The following BCO1 variants were observed in gnomAD, a reference collection of about 807,000 sequenced individuals.
The protein encoded by BCO1 is beta-carotene oxygenase 1, also known as beta,beta-carotene 15,15'-dioxygenase.
Under a neutral mutation model 56.3 loss-of-function variants are expected in BCO1, and 54 were observed. The observed-to-expected ratio is 0.96, with a 90% CI of 0.77 to 1.20. The LOEUF is 1.20. Among genes scored for constraint, BCO1 ranks in the 50% most tolerant of loss-of-function variants. BCO1 has a pLI of 0.00. For synonymous variants in BCO1, 318 were observed against 266.1 expected, an observed-to-expected ratio of 1.20 and a Z score of -1.90; for missense variants, 801 against 690.9, an observed-to-expected ratio of 1.16 and a Z score of -1.79.
Position 81,287,392 on chromosome 16 carries a change from A to C in BCO1, c.1400A>C (p.Lys467Thr), listed in dbSNP as rs1052615604. Reference sequence around the variant, plus strand: ...CTGTTTGTGCCCGCGCCAGGTGCCAAGGATGAGGATGACGGTAAGACTCTA... The same window carrying C: ...CTGTTTGTGCCCGCGCCAGGTGCCACGGATGAGGATGACGGTAAGACTCTA... Reference protein sequence around the residue: ...EPLFVPAPGAKDEDDGVILSA... With the variant: ...EPLFVPAPGATDEDDGVILSA... The change falls in exon 10 of 11, where the codon AAG (lysine) becomes ACG (threonine). Residue 467 changes from lysine (K) to threonine (T), a missense_variant. Lys to Thr is a moderately conservative substitution (Grantham distance 78, BLOSUM62 -1). Transcript: ENST00000258168. 1 of 1,613,674 alleles carries C rather than the reference A, an allele frequency of 6.2e-7. No individual in the cohort carries two copies. Among genetic ancestry groups the C allele is most frequent in the African/African-American group, 1.3e-5 (1 of 74,910 alleles).
chr16:81,259,829 G>C (rs1256632153), intron 3 of BCO1, 24 bp downstream of exon 3: 3 of 1,614,058 alleles, frequency 1.9e-6, no homozygotes, highest in Middle Eastern at 3.3e-4. Context: ...TTAAATCTGA[G>C]CAAATTTCAT....
intron 2 of BCO1, among the ~76,000 whole-genome samples, chr16:81,258,818 C>T (rs929567042): frequency 3.9e-5 from 6 of 152,168 alleles, no homozygotes; most frequent in African/African-American, 4.8e-5. Context: ...ATTTGGCTCA[C>T]GGTTCTGCAG....
At chr16:81,253,998 C>T (rs1235741111) in intron 2 of BCO1, among the ~76,000 whole-genome samples, 1 of 152,142 alleles carries the variant, frequency 6.6e-6, no homozygotes, top group Non-Finnish European at 1.5e-5. Context: ...GACACTTATT[C>T]ACACAGTAAC....
intron 3 of BCO1, 158 bp from the exon 4 acceptor site, chr16:81,261,978 G>A (rs762579176): frequency 8.9e-5 from 72 of 810,616 alleles, no homozygotes; most frequent in Admixed American, 3.9e-4. Flanking sequence ...TCCTGACCTC[G>A]TGATCCACCT....
At chr16:81,259,562 G>T in intron 2 of BCO1, 114 bp from the exon 3 acceptor site, 1 of 1,224,784 alleles carries the variant, frequency 8.2e-7, no homozygotes, top group East Asian at 2.4e-5. Flanking sequence ...AAAGGAGCTT[G>T]TCCTAGTGAA....
chr16:81,281,348 AG>A (rs1233020393), intron 8 of BCO1, among the ~76,000 whole-genome samples: 2 of 152,208 alleles, frequency 1.3e-5, no homozygotes, highest in Admixed American at 6.5e-5. Context: ...CAGGAGGCTG[AG>A]GCATGAGAAT....
At chr16:81,242,549 A>C (rs930480428) in intron 1 of BCO1, among the ~76,000 whole-genome samples, 1 of 151,960 alleles carries the variant, frequency 6.6e-6, no homozygotes, top group South Asian at 2.1e-4. Context: ...GTATTTAGTC[A>C]AATAGAGGCC....
rs1296317671 is a variant in BCO1, at chr16:81,245,549, T to C, written c.139T>C (p.Tyr47His). 1 of 1,613,690 alleles carries C rather than the reference T, an allele frequency of 6.2e-7. No homozygotes were observed. The highest frequency in any genetic ancestry group is 1.3e-5 in the African/African-American group (1 of 74,934). The change falls in exon 2 of 11, where the codon TAC (tyrosine) becomes CAC (histidine). Residue 47 changes from tyrosine (Y) to histidine (H), a missense_variant. Tyr to His is a moderately conservative substitution (Grantham distance 83). Coordinates refer to ENST00000258168, the MANE Select transcript of BCO1 (RefSeq NM_017429.3). The stretch of plus-strand genomic sequence containing the variant: ...GATGCACACAGTTGGGGAGTCCAGA[T>C]ACAACCATTGGTTCGACGGCCTTGC... ...PGMHTVGESR[Y>H]NHWFDGLALL...
chr16:81,259,622 T>G, intron 2 of BCO1, 54 bp from the exon 3 acceptor site: 2 of 1,613,358 alleles, frequency 1.2e-6, no homozygotes, highest in Non-Finnish European at 1.7e-6. Context: ...TGACATTGAT[T>G]TTAAAGCCCT....
chr16:81,254,530 C>T (rs566928136), intron 2 of BCO1, among the ~76,000 whole-genome samples: 6 of 150,612 alleles, frequency 4.0e-5, no homozygotes, highest in African/African-American at 1.5e-4. Flanking sequence ...TTTTATGTGC[C>T]AGGACAACAA....
chr16:81,259,271 A>G (rs965823810), intron 2 of BCO1, among the ~76,000 whole-genome samples: 2 of 152,092 alleles, frequency 1.3e-5, no homozygotes, highest in African/African-American at 4.8e-5. Flanking sequence ...AGGCGGGTGG[A>G]TCACCTGAGG....
chr16:81,279,789 A>C (rs1907760289), intron 7 of BCO1, among the ~76,000 whole-genome samples: 1 of 152,212 alleles, frequency 6.6e-6, no homozygotes. Flanking sequence ...ATCTGACTGT[A>C]AATTGAGACC....
intron 6 of BCO1, among the ~76,000 whole-genome samples, chr16:81,269,601 G>A (rs889699342): frequency 6.6e-6 from 1 of 152,152 alleles, no homozygotes; most frequent in African/African-American, 2.4e-5. Flanking sequence ...CTGAGTAGTT[G>A]GGATTACAGG....
chr16:81,271,087 C>T (rs1268999561), intron 7 of BCO1, among the ~76,000 whole-genome samples: 1 of 150,432 alleles, frequency 6.6e-6, no homozygotes, highest in Non-Finnish European at 1.5e-5. Context: ...GTAATTGACA[C>T]AGCATACAAT....
chr16:81,260,972 G>C (rs1906448614), intron 3 of BCO1, among the ~76,000 whole-genome samples: 1 of 152,212 alleles, frequency 6.6e-6, no homozygotes, highest in Non-Finnish European at 1.5e-5. Context: ...GACTGGCCCA[G>C]AGATGGAAGA....
At chr16:81,253,696 C>T (rs1256038048) in intron 2 of BCO1, among the ~76,000 whole-genome samples, 1 of 152,162 alleles carries the variant, frequency 6.6e-6, no homozygotes, top group Non-Finnish European at 1.5e-5. Context: ...GGGCACCGTG[C>T]CTCACACTTG....
intron 2 of BCO1, among the ~76,000 whole-genome samples, chr16:81,250,578 CTTTTT>C (rs530676028): frequency 4.7e-5 from 5 of 105,488 alleles, no homozygotes; most frequent in South Asian, 3.3e-4. Flanking sequence ...CTCAATAAAG[CTTTTT>C]TTTTTTTTTT....
At chr16:81,270,091 G>T (rs757031267) in intron 6 of BCO1, 68 bp from the exon 7 acceptor site, 11 of 1,600,160 alleles carry the variant, frequency 6.9e-6, no homozygotes, top group South Asian at 1.1e-5. Flanking sequence ...GTTTTGTTCA[G>T]CCCCCAGATG....
intron 2 of BCO1, among the ~76,000 whole-genome samples, chr16:81,255,690 A>T (rs959716102): frequency 6.6e-6 from 1 of 152,002 alleles, no homozygotes; most frequent in Non-Finnish European, 1.5e-5. Context: ...TATTTTTAGT[A>T]GAGACAGGGT....
Sources: allele counts gnomAD v4.1 joint callset (sites outside exome capture counted in the v4.1 genomes callset), GRCh38; gene constraint gnomAD v4.1.1; transcripts MANE v1.5; gene names NCBI Gene and HGNC (gene_info 2026-07-23, HGNC 2026-07-21).